Variants in RP1L1 observed in about 807,000 individuals in gnomAD.
RP1L1 encodes the protein retinitis pigmentosa 1-like 1 protein.
In RP1L1, 27 loss-of-function variants were observed where a neutral mutation model predicts 15.7. The observed-to-expected ratio is 1.72, with a 90% confidence interval of 1.27 to 2.38. The LOEUF (loss-of-function observed/expected upper bound fraction) is 2.38, where lower values mean the gene tolerates loss of function less well. Ranked by LOEUF, RP1L1 falls within the 30% of genes most tolerant of loss-of-function variation. The pLI is 0.00. For missense variants in RP1L1, 4,798 were observed against 3,075.9 expected (o/e 1.56, Z -13.24); for synonymous variants, 1,813 against 1,276.7 (o/e 1.42, Z -8.96).
chr8:10,641,940 G>A (rs1217134617), intron 1 of RP1L1, among the ~76,000 whole-genome samples: 4 of 152,184 alleles, frequency 2.6e-5, no homozygotes, highest in Non-Finnish European at 5.9e-5. Flanking sequence ...GAGGAATGAA[G>A]CTGGGAGGGA....
intron 1 of RP1L1, among the ~76,000 whole-genome samples, chr8:10,648,107 C>A (rs1321778838): frequency 6.6e-6 from 1 of 152,010 alleles, no homozygotes; most frequent in African/African-American, 2.4e-5. Context: ...TCTCGGCTCA[C>A]TGCAACCTCC....
At position 10,609,285 on chromosome 8, in the gene RP1L1, G is replaced by T; in HGVS notation, c.4813C>A (p.Gln1605Lys). ...LTGELLLQTQ[Q>K]RRHRLRGLRN... The stretch of plus-strand genomic sequence containing the variant: ...AGGCCCCGGAGACGGTGTCTGCGCT[G>T]CTGGGTCTGCAGGAGCAGCTCCCCG... The change falls in exon 4 of 4, where the codon CAG becomes AAG. Residue 1605 changes from glutamine to lysine, a missense_variant. Coordinates refer to ENST00000382483, the MANE Select transcript of RP1L1 (RefSeq NM_178857.6). The T allele has an allele frequency of 6.2e-7, 1 of 1,610,378 alleles. No homozygotes were observed.
Position 10,622,370 on chromosome 8 carries a change from G to A in RP1L1, c.609+223C>T, listed in dbSNP as rs796794264. On this transcript the variant is annotated intron_variant, in intron 2 of 3. Transcript: ENST00000382483. ...AAAAAAAAGAGTACACAGGCACAAT[G>A]CCTGCCACTTACCGCATGCTCTCTA... 1.2e-4 allele frequency among the ~76,000 whole-genome samples: 18 copies of A among 149,456 alleles called. 1 individual carries two copies. Among genetic ancestry groups the A allele is most frequent in the African/African-American group, 3.9e-4 (16 of 40,838 alleles).
intron 1 of RP1L1, among the ~76,000 whole-genome samples, chr8:10,632,765 C>T (rs991746339): frequency 6.6e-6 from 1 of 152,184 alleles, no homozygotes; most frequent in Non-Finnish European, 1.5e-5. Flanking sequence ...CCCCTCATTC[C>T]CAGTCTGAGG....
Position 10,653,714 on chromosome 8 carries a change from G to A in RP1L1, c.-20+1184C>T, listed in dbSNP as rs1053202630. On this transcript the variant is annotated intron_variant, in intron 1 of 3. Transcript: ENST00000382483. ...CAGAAAACGGCAACCAGCTCTCCTC[G>A]TCCCCTCCTGTTAGAAGAGAGCAGC... 3.9e-5 allele frequency among the ~76,000 whole-genome samples: 6 copies of A among 152,076 alleles called. No homozygotes were observed. In the East Asian group the frequency reaches 5.8e-4, roughly 15 times the overall value.
chr8:10,616,504 T>A lies in RP1L1; in HGVS notation c.693A>T (p.Lys231Asn). Reference protein sequence around the residue: ...GHEAFRTPAMKNARRSEAETL... With the variant: ...GHEAFRTPAMNNARRSEAETL... ...TTTCAGCCTCGCTTCTCCTGGCATTTTTCATGGCTGGGGTTCTGAAGGCCT... is the reference window on the plus strand; with the variant it reads ...TTTCAGCCTCGCTTCTCCTGGCATTATTCATGGCTGGGGTTCTGAAGGCCT... The change falls in exon 3 of 4, where the codon AAA becomes AAT. Residue 231 changes from lysine (K) to asparagine (N), a missense_variant. Coordinates refer to ENST00000382483, the MANE Select transcript of RP1L1 (RefSeq NM_178857.6). 1 of 1,614,186 alleles carries A rather than the reference T, an allele frequency of 6.2e-7. No individual in the cohort carries two copies. Among genetic ancestry groups the A allele is most frequent in the South Asian group, 1.1e-5 (1 of 91,082 alleles).
intron 3 of RP1L1, among the ~76,000 whole-genome samples, chr8:10,614,659 G>A (rs532666873): frequency 1.2e-5 from 1 of 86,090 alleles, no homozygotes; most frequent in South Asian, 5.1e-4. Flanking sequence ...AGATTCTGTC[G>A]TCAAAAAAAA....
chr8:10,608,024 G>A lies in RP1L1; in HGVS notation c.6074C>T (p.Ala2025Val), dbSNP rs751636089. 1.9e-5 allele frequency: 30 copies of A among 1,611,340 alleles called. No homozygotes were observed. Among genetic ancestry groups the A allele is most frequent in the Non-Finnish European group, 2.5e-5 (30 of 1,179,574 alleles). ...EAQPESDGVE[A>V]QPKSEGEEAQ... ...CTCTTCACCTTCTGACTTTGGCTGG[G>A]CCTCTACACCGTCTGACTCTGGCTG... The change falls in exon 4 of 4, where the codon GCC becomes GTC. Residue 2025 changes from alanine to valine, a missense_variant. Coordinates refer to ENST00000382483, the MANE Select transcript of RP1L1 (RefSeq NM_178857.6).
intron 1 of RP1L1, among the ~76,000 whole-genome samples, chr8:10,631,378 A>ACATGC (rs1798247542): frequency 5.3e-4 from 2 of 3,790 alleles, no homozygotes; most frequent in East Asian, 0.071. Flanking sequence ...CATGCACACA[A>ACATGC]ACACACATGC....
In RP1L1 at chr8:10,609,781, T is replaced by G. The variant is rs1305717581; in HGVS notation, c.4317A>C (p.Ala1439=). The G allele has an allele frequency of 6.2e-7, 1 of 1,613,894 alleles. No individual in the cohort carries two copies. The highest frequency in any genetic ancestry group is 1.3e-5 in the African/African-American group (1 of 74,916). The change falls in exon 4 of 4, where the codon GCA becomes GCC. Residue 1439 remains alanine, a synonymous_variant. Transcript: ENST00000382483. ...EEEAGRASAS[A]EPCPAEGTEE... ...CTGTGCCCTCTGCGGGGCACGGCTCTGCAGAGGCAGAGGCTCTTCCTGCTT... is the reference window on the plus strand; with the variant it reads ...CTGTGCCCTCTGCGGGGCACGGCTCGGCAGAGGCAGAGGCTCTTCCTGCTT...
chr8:10,647,438 C>T (rs1175718747), intron 1 of RP1L1, among the ~76,000 whole-genome samples: 1 of 152,058 alleles, frequency 6.6e-6, no homozygotes, highest in Non-Finnish European at 1.5e-5. Context: ...CCATCTGTCT[C>T]CAAAACTCTA....
intron 2 of RP1L1, among the ~76,000 whole-genome samples, chr8:10,619,539 G>A (rs1798024959): frequency 6.6e-6 from 1 of 152,122 alleles, no homozygotes; most frequent in Admixed American, 6.5e-5. Flanking sequence ...TGACATTCTG[G>A]GAATCTTTTC....
rs192211387 is a variant in RP1L1 at position 10,610,359 on chromosome 8, G to A, written c.3739C>T (p.Pro1247Ser). The A allele has an allele frequency of 4.3e-6, 7 of 1,614,116 alleles. No individual in the cohort carries two copies. Among genetic ancestry groups the A allele is most frequent in the Middle Eastern group, 1.6e-4 (1 of 6,062 alleles). Residue 1247 changes from proline to serine, a missense_variant, in exon 4 of 4, where the codon CCA becomes TCA. By Grantham distance (74) the Pro-to-Ser change is moderately conservative (BLOSUM62 -1). Coordinates refer to ENST00000382483, the MANE Select transcript of RP1L1 (RefSeq NM_178857.6). ...QRPDSRTYES[P>S]GDLENQQQCC... The stretch of plus-strand genomic sequence containing the variant: ...TGCTGTTGGTTTTCCAGATCCCCTG[G>A]GCTCTCATAAGTTCTTGAATCAGGC...
intron 1 of RP1L1, among the ~76,000 whole-genome samples, chr8:10,635,337 C>G (rs79022048): frequency 2.0e-5 from 3 of 152,334 alleles, no homozygotes; most frequent in Middle Eastern, 3.4e-3. Context: ...AATGCTCCCC[C>G]ACCCCAGGCT....
intron 1 of RP1L1, among the ~76,000 whole-genome samples, chr8:10,631,727 G>A (rs147911292): frequency 1.5e-3 from 221 of 152,268 alleles, no homozygotes; most frequent in Non-Finnish European, 2.2e-3. Flanking sequence ...TGCCAGTGCC[G>A]CCCGAGCCTG....
At chr8:10,617,825 G>A (rs914461969) in intron 2 of RP1L1, among the ~76,000 whole-genome samples, 13 of 152,046 alleles carry the variant, frequency 8.6e-5, no homozygotes, top group Non-Finnish European at 1.8e-4. Flanking sequence ...CAAAGTGCTG[G>A]GATTACAGGC....
At position 10,610,895 on chromosome 8, in the gene RP1L1, C is replaced by A. The variant is rs775897747; in HGVS notation, c.3203G>T (p.Cys1068Phe). ...AGGAAGTGCCCGCAGGCTCACCCTG[C>A]AGCCTGCTGGGGCCTCTCTGTCTGC... ...AGADREAPAG[C>F]RVSLRALPGR... The change falls in exon 4 of 4, where the codon TGC becomes TTC. Residue 1068 changes from cysteine to phenylalanine, a missense_variant. Coordinates refer to ENST00000382483, the MANE Select transcript of RP1L1 (RefSeq NM_178857.6). 6.8e-6 allele frequency: 11 copies of A among 1,610,580 alleles called. No individual in the cohort carries two copies. Among genetic ancestry groups the A allele is most frequent in the East Asian group, 2.2e-5 (1 of 44,788 alleles).
rs139971303 is a variant in RP1L1, at chr8:10,611,196, G to C, written c.2902C>G (p.Pro968Ala). Residue 968 changes from proline to alanine, a missense_variant, in exon 4 of 4, where the codon CCC becomes GCC. Pro to Ala is a conservative substitution (Grantham distance 27). Transcript: ENST00000382483. ...REWLDNIPEE[P>A]ILMTYELADE... is the part of the protein sequence containing the mutation. Reference sequence around the variant, plus strand: ...GCCAACTCATATGTCATGAGTATGGGCTCTTCTGGAATGTTGTCCAGCCAT... The same window carrying C: ...GCCAACTCATATGTCATGAGTATGGCCTCTTCTGGAATGTTGTCCAGCCAT... 1 of 1,612,942 alleles carries C rather than the reference G, an allele frequency of 6.2e-7. No homozygotes were observed. The highest frequency in any genetic ancestry group is 1.3e-5 in the African/African-American group (1 of 75,048).
intron 1 of RP1L1, among the ~76,000 whole-genome samples, chr8:10,648,475 G>T (rs559364777): frequency 6.6e-6 from 1 of 152,166 alleles, no homozygotes; most frequent in Non-Finnish European, 1.5e-5. Flanking sequence ...TGACACACAA[G>T]TAGGCTTGAG....
Sources: allele counts gnomAD v4.1 joint callset (sites outside exome capture counted in the v4.1 genomes callset), GRCh38; gene constraint gnomAD v4.1.1; transcripts MANE v1.5; gene names NCBI Gene and HGNC (gene_info 2026-07-23, HGNC 2026-07-21).